The following SNTG2 variants were observed in gnomAD, a reference collection of about 807,000 sequenced individuals.
The protein encoded by SNTG2 is syntrophin gamma 2, also known as gamma-2-syntrophin.
Under a neutral mutation model 70.9 loss-of-function variants are expected in SNTG2, and 74 were observed. The observed-to-expected ratio is 1.04, with a 90% CI of 0.86 to 1.27. The LOEUF (loss-of-function observed/expected upper bound fraction) is 1.27, where lower values mean the gene tolerates loss of function less well. Ranked by LOEUF, SNTG2 falls within the 50% of genes most tolerant of loss-of-function variation. The pLI is 0.00. For missense variants in SNTG2, 717 were observed against 690.7 expected (o/e 1.04, Z -0.43); for synonymous variants, 278 against 273.8 (o/e 1.02, Z -0.15).
intron 1 of SNTG2, among the ~76,000 whole-genome samples, chr2:1,002,877 G>T (rs1221892209): frequency 6.6e-6 from 1 of 150,756 alleles, no homozygotes; most frequent in African/African-American, 2.4e-5. Context: ...ACTAGGTAAA[G>T]AAAATGTTAT....
intron 8 of SNTG2, among the ~76,000 whole-genome samples, chr2:1,202,437 A>G (rs1327227346): frequency 6.6e-6 from 1 of 151,614 alleles, no homozygotes; most frequent in East Asian, 1.9e-4. Context: ...TGACCCCTAC[A>G]GTCAATGAGG....
intron 1 of SNTG2, among the ~76,000 whole-genome samples, chr2:993,856 T>C (rs1397679576): frequency 6.6e-6 from 1 of 152,182 alleles, no homozygotes; most frequent in Non-Finnish European, 1.5e-5. Flanking sequence ...ATTTATCTTT[T>C]TCGGTTGTGA....
intron 4 of SNTG2, chr2:1,102,598 T>C (rs1430350188): frequency 1.3e-5 from 2 of 152,382 alleles, no homozygotes; most frequent in East Asian, 1.9e-4. Context: ...TCCTGGGTTG[T>C]TGAGTGAATG....
chr2:1,265,852 C>T (rs772379946), intron 13 of SNTG2, among the ~76,000 whole-genome samples: 1 of 152,198 alleles, frequency 6.6e-6, no homozygotes, highest in Non-Finnish European at 1.5e-5. Context: ...TGGGTGAACA[C>T]CACATTCTCA....
At chr2:1,332,315 G>C (rs909594971) in intron 16 of SNTG2, among the ~76,000 whole-genome samples, 1 of 152,266 alleles carries the variant, frequency 6.6e-6, no homozygotes, top group Admixed American at 6.5e-5. Context: ...GGACAAGGAC[G>C]AGGTGGATTC....
chr2:1,165,476 A>G (rs1214163822), intron 6 of SNTG2, 72 bp from the exon 7 acceptor site: 4 of 1,358,190 alleles, frequency 2.9e-6, no homozygotes, highest in Admixed American at 1.9e-5. Flanking sequence ...AGAGGTAGAG[A>G]GATTTTATTT....
chr2:1,125,074 A>T (rs977318420), intron 4 of SNTG2, among the ~76,000 whole-genome samples: 1 of 152,300 alleles, frequency 6.6e-6, no homozygotes, highest in East Asian at 1.9e-4. Flanking sequence ...TACTGTTATT[A>T]TTAATAGTAA....
intron 6 of SNTG2, among the ~76,000 whole-genome samples, chr2:1,152,915 G>A (rs1029939877): frequency 5.9e-5 from 9 of 152,162 alleles, no homozygotes; most frequent in Non-Finnish European, 1.2e-4. Context: ...CCTGAGGTCA[G>A]GAGTTCGAGA....
chr2:1,000,510 T>C (rs949449667), intron 1 of SNTG2, among the ~76,000 whole-genome samples: 6 of 151,778 alleles, frequency 4.0e-5, no homozygotes, highest in African/African-American at 1.4e-4. Context: ...TCACACAGAC[T>C]AGAAAACCTA....
At chr2:966,986 T>C (rs1453435157) in intron 1 of SNTG2, among the ~76,000 whole-genome samples, 2 of 152,118 alleles carry the variant, frequency 1.3e-5, no homozygotes, top group Non-Finnish European at 2.9e-5. Flanking sequence ...AATAATAGTT[T>C]AATGGCTATA....
chr2:990,428 G>A (rs1019701697), intron 1 of SNTG2, among the ~76,000 whole-genome samples: 7 of 152,156 alleles, frequency 4.6e-5, no homozygotes, highest in Non-Finnish European at 8.8e-5. Flanking sequence ...GTCTGATGAG[G>A]GCCTGCTTCT....
intron 16 of SNTG2, among the ~76,000 whole-genome samples, chr2:1,332,437 A>G (rs1333144167): frequency 2.0e-5 from 3 of 152,234 alleles, no homozygotes; most frequent in African/African-American, 7.2e-5. Flanking sequence ...TGAAGCCAGT[A>G]TCACCCTAAT....
chr2:1,204,474 A>T (rs1225852555), intron 8 of SNTG2, among the ~76,000 whole-genome samples: 1 of 152,222 alleles, frequency 6.6e-6, no homozygotes, highest in East Asian at 1.9e-4. Flanking sequence ...TGCTTTCCTC[A>T]GTTTCAGTTA....
intron 8 of SNTG2, among the ~76,000 whole-genome samples, chr2:1,183,431 C>A (rs1672052786): frequency 6.6e-6 from 1 of 152,160 alleles, no homozygotes; most frequent in Non-Finnish European, 1.5e-5. Context: ...TCCTACTCGG[C>A]AGTTTTTCAA....
chr2:965,349 G>GTCCTCCTCCTTGGACCTCAA (rs1660513928), intron 1 of SNTG2, among the ~76,000 whole-genome samples: 1 of 89,294 alleles, frequency 1.1e-5, no homozygotes, highest in Non-Finnish European at 2.2e-5. Context: ...CTGGTCCCCA[G>GTCCTCCTCCTTGGACCTCAA]TCCTCCTCCT....
intron 1 of SNTG2, among the ~76,000 whole-genome samples, chr2:1,037,396 G>T (rs1661191104): frequency 6.6e-6 from 1 of 152,340 alleles, no homozygotes; most frequent in South Asian, 2.1e-4. Flanking sequence ...GATTTAAAGG[G>T]TGTGATTCAG....
chr2:1,212,417 C>G (rs1674106391), intron 9 of SNTG2, among the ~76,000 whole-genome samples: 1 of 152,160 alleles, frequency 6.6e-6, no homozygotes, highest in South Asian at 2.1e-4. Flanking sequence ...GCTGGTTAAG[C>G]CTCTTTTCTT....
At chr2:1,310,398 G>A (rs1405552065) in intron 15 of SNTG2, among the ~76,000 whole-genome samples, 2 of 152,172 alleles carry the variant, frequency 1.3e-5, no homozygotes, top group African/African-American at 4.8e-5. Context: ...CAGAGGTCAC[G>A]TGTCTCTCTG....
intron 8 of SNTG2, among the ~76,000 whole-genome samples, chr2:1,200,728 T>C (rs947885139): frequency 2.6e-5 from 4 of 151,718 alleles, no homozygotes; most frequent in African/African-American, 9.7e-5. Flanking sequence ...GAATAGAAAA[T>C]TCTCAAAAGA....
Sources: allele counts gnomAD v4.1 joint callset (sites outside exome capture counted in the v4.1 genomes callset), GRCh38; gene constraint gnomAD v4.1.1; transcripts MANE v1.5; gene names NCBI Gene and HGNC (gene_info 2026-07-23, HGNC 2026-07-21).